Variants in SUPT3H observed in about 807,000 individuals in gnomAD.
SUPT3H encodes the protein SPT3 homolog, SAGA and STAGA complex component.
SUPT3H carries 44 observed loss-of-function variants against 44.3 expected under a neutral mutation model. The ratio of observed to expected loss-of-function variants is 0.99; its 90% CI spans 0.78 to 1.28. The LOEUF (loss-of-function observed/expected upper bound fraction) is 1.28, where lower values mean the gene tolerates loss of function less well. Among genes scored for constraint, SUPT3H ranks in the 50% most tolerant of loss-of-function variants. The probability of loss-of-function intolerance (pLI) is 0.00; values close to 1 mark genes in which losing one functional copy is unlikely to be tolerated. For missense variants in SUPT3H, 380 were observed against 387.1 expected (o/e 0.98, Z 0.15); for synonymous variants, 124 against 125.6 (o/e 0.99, Z 0.09).
intron 10 of SUPT3H, among the ~76,000 whole-genome samples, chr6:44,884,892 A>T (rs1343092766): frequency 6.6e-6 from 1 of 152,128 alleles, no homozygotes; most frequent in Non-Finnish European, 1.5e-5. Flanking sequence ...GGCACCTCGA[A>T]AATCGGGTCA....
Position 44,827,263 on chromosome 6 carries a change from T to C in SUPT3H, c.*2553A>G, listed in dbSNP as rs556242731. Among the ~76,000 whole-genome samples the C allele has an allele frequency of 6.6e-6, 1 of 152,194 alleles. No homozygotes were observed. Among genetic ancestry groups the C allele is most frequent in the Non-Finnish European group, 1.5e-5 (1 of 68,012 alleles). ...CAGTCACACTGAAGATTTTACTATA[T>C]AACACGTATGCTTTAGGATGTATCC... On this transcript the variant is annotated 3_prime_UTR_variant, in exon 11 of 11. Coordinates refer to ENST00000371459, the MANE Select transcript of SUPT3H (RefSeq NM_003599.4).
At chr6:44,931,093 C>T (rs1437103562) in intron 10 of SUPT3H, among the ~76,000 whole-genome samples, 2 of 152,206 alleles carry the variant, frequency 1.3e-5, no homozygotes, top group East Asian at 3.8e-4. Flanking sequence ...AAGAGAGAAG[C>T]AGCTACCGCT....
intron 2 of SUPT3H, among the ~76,000 whole-genome samples, chr6:45,160,208 A>T (rs1808708084): frequency 6.6e-6 from 1 of 152,166 alleles, no homozygotes; most frequent in East Asian, 1.9e-4. Context: ...ATACAAACTC[A>T]CTAAAATGTT....
chr6:45,086,200 A>G (rs1257269381), intron 3 of SUPT3H, among the ~76,000 whole-genome samples: 1 of 152,022 alleles, frequency 6.6e-6, no homozygotes, highest in Non-Finnish European at 1.5e-5. Flanking sequence ...AAATGAACAA[A>G]TTTCATTATC....
chr6:45,222,058 A>T (rs920385850), intron 2 of SUPT3H, among the ~76,000 whole-genome samples: 4 of 152,142 alleles, frequency 2.6e-5, no homozygotes, highest in Non-Finnish European at 4.4e-5. Context: ...ATAGTGATGG[A>T]GCATTTGGAC....
At chr6:44,922,635 C>T (rs187997617) in intron 10 of SUPT3H, among the ~76,000 whole-genome samples, 2 of 152,096 alleles carry the variant, frequency 1.3e-5, no homozygotes, top group East Asian at 3.9e-4. Flanking sequence ...AATAAATAAT[C>T]TATTTAAATA....
At chr6:45,086,111 T>C (rs1232123516) in intron 3 of SUPT3H, among the ~76,000 whole-genome samples, 2 of 152,030 alleles carry the variant, frequency 1.3e-5, no homozygotes, top group East Asian at 3.9e-4. Flanking sequence ...TAAGCATAAA[T>C]TAAAGGCTCA....
chr6:45,291,188 G>C (rs1207889227), intron 2 of SUPT3H, among the ~76,000 whole-genome samples: 1 of 152,178 alleles, frequency 6.6e-6, no homozygotes, highest in East Asian at 1.9e-4. Context: ...GCTAGATCCA[G>C]AAGAGAGATA....
In SUPT3H at chr6:45,061,036, G is replaced by T. The variant is rs961508109; in HGVS notation, c.187-40404C>A. ...GTTTGACCATAGTGGAAGACAGCAT[G>T]GCAATTCCTCAAAGATCAAGAAGCA... On this transcript the variant is annotated intron_variant, in intron 3 of 10. Coordinates refer to ENST00000371459, the MANE Select transcript of SUPT3H (RefSeq NM_003599.4). 2.0e-5 allele frequency among the ~76,000 whole-genome samples: 3 copies of T among 152,114 alleles called. No homozygotes were observed. The South Asian group carries it at 6.2e-4, about 32-fold the overall frequency.
At chr6:45,294,974 C>T (rs115772904) in intron 2 of SUPT3H, among the ~76,000 whole-genome samples, 6 of 152,040 alleles carry the variant, frequency 3.9e-5, no homozygotes, top group South Asian at 2.1e-4. Context: ...CACCATCATT[C>T]GTCACTGAAT....
intron 2 of SUPT3H, among the ~76,000 whole-genome samples, chr6:45,173,671 G>A (rs1183935362): frequency 6.6e-6 from 1 of 152,180 alleles, no homozygotes; most frequent in African/African-American, 2.4e-5. Flanking sequence ...TCTGTCAACT[G>A]AGACTTGGAA....
At chr6:45,286,120 T>G (rs1325488712) in intron 2 of SUPT3H, among the ~76,000 whole-genome samples, 1 of 151,756 alleles carries the variant, frequency 6.6e-6, no homozygotes, top group African/African-American at 2.4e-5. Context: ...GACTTAAATG[T>G]TAGCCCTAAA....
chr6:45,364,399 C>A (rs1485026579), intron 2 of SUPT3H, among the ~76,000 whole-genome samples: 2 of 152,120 alleles, frequency 1.3e-5, no homozygotes, highest in Non-Finnish European at 2.9e-5. Context: ...AAGAGGAAGA[C>A]ACTTAAACCT....
intron 3 of SUPT3H, among the ~76,000 whole-genome samples, chr6:45,046,193 C>A (rs1175553156): frequency 6.6e-6 from 1 of 152,186 alleles, no homozygotes; most frequent in African/African-American, 2.4e-5. Context: ...AACCTTTCCC[C>A]ATTAAATTAT....
intron 4 of SUPT3H, 102 bp from the exon 5 acceptor site, chr6:45,014,993 A>G (rs1259761635): frequency 3.4e-6 from 2 of 580,424 alleles, no homozygotes; most frequent in East Asian, 6.8e-5. Context: ...GTACCCCATG[A>G]TATCAGAGAA....
At position 44,932,709 on chromosome 6, in the gene SUPT3H, T is replaced by C; in HGVS notation, c.856A>G (p.Ile286Val). 2 of 1,611,866 alleles carry C rather than the reference T, an allele frequency of 1.2e-6. No homozygotes were observed. The highest frequency in any genetic ancestry group is 1.7e-6 in the Non-Finnish European group (2 of 1,179,076). Reference protein sequence around the residue: ...AHSDAIQPCHIREAIRRYSHR... With the variant: ...AHSDAIQPCHVREAIRRYSHR... ...CTGTAGCGTCGAATGGCCTCTCTGA[T>C]GTGGCAGGGCTGGATGGCATCGCTG... The change falls in exon 10 of 11, where the codon ATC (isoleucine) becomes GTC (valine). Residue 286 changes from isoleucine (I) to valine (V), a missense_variant. By Grantham distance (29) the Ile-to-Val change is conservative. Coordinates refer to ENST00000371459, the MANE Select transcript of SUPT3H (RefSeq NM_003599.4).
chr6:45,189,763 T>C lies in SUPT3H; in HGVS notation c.102-83757A>G, dbSNP rs573471063. On this transcript the variant is annotated intron_variant, in intron 2 of 10. Coordinates refer to ENST00000371459, the MANE Select transcript of SUPT3H (RefSeq NM_003599.4). The stretch of plus-strand genomic sequence containing the variant: ...AGCCTTACCTTTGAGACCCCTTTTT[T>C]ACAGAGGAATAGCACAATTGATTTT... Among the ~76,000 whole-genome samples, 8 of 152,312 alleles carry C rather than the reference T, an allele frequency of 5.3e-5. 1 individual carries two copies. The South Asian group carries it at 1.7e-3, about 32-fold the overall frequency.
Position 44,982,499 on chromosome 6 carries a change from G to A in SUPT3H, c.505-20671C>T, listed in dbSNP as rs1779237799. ...TGAAGCGCTGGGATTACAGGCGTGA[G>A]CCACCATGCCCAGCCCGATTCTTTA... On this transcript the variant is annotated intron_variant, in intron 6 of 10. Coordinates refer to ENST00000371459, the MANE Select transcript of SUPT3H (RefSeq NM_003599.4). Among the ~76,000 whole-genome samples, 3 of 152,190 alleles carry A rather than the reference G, an allele frequency of 2.0e-5. No individual in the cohort carries two copies. In the South Asian group the frequency reaches 6.2e-4, roughly 32 times the overall value.
Position 45,095,522 on chromosome 6 carries a change from A to T in SUPT3H, c.186+10400T>A, listed in dbSNP as rs1011202489. On this transcript the variant is annotated intron_variant, in intron 3 of 10. Transcript: ENST00000371459. The surrounding 1 kb of genome is among the most constrained non-coding windows in gnomAD (Gnocchi z 4.1). The stretch of plus-strand genomic sequence containing the variant: ...ATAAATTTGTTCTTTATTACTTTTC[A>T]TAATTAAGGAGAATTAGCTAAACAT... 6.6e-5 allele frequency among the ~76,000 whole-genome samples: 10 copies of T among 152,162 alleles called. No homozygotes were observed. The highest frequency in any genetic ancestry group is 2.4e-4 in the African/African-American group (10 of 41,444).
Sources: gnomAD v4.1 joint callset for allele counts (sites outside exome capture counted in the v4.1 genomes callset) on GRCh38, gnomAD v4.1.1 for gene constraint, Gnocchi (gnomAD v3.1) non-coding constraint, MANE v1.5 for transcripts, NCBI Gene and HGNC (gene_info 2026-07-23, HGNC 2026-07-21) for gene names.